The following SUCLG2 variants were observed in gnomAD, a reference collection of about 807,000 sequenced individuals.
The protein encoded by SUCLG2 is succinate-CoA ligase GDP-forming subunit beta, also known as succinate--CoA ligase [GDP-forming] subunit beta, mitochondrial.
SUCLG2 carries 42 observed loss-of-function variants against 47.9 expected under a neutral mutation model. The ratio of observed to expected loss-of-function variants is 0.88; its 90% CI spans 0.69 to 1.14. SUCLG2 has a LOEUF of 1.14. Ranked by LOEUF, SUCLG2 falls within the 50% of genes most tolerant of loss-of-function variation. SUCLG2 has a pLI of 0.00. For missense variants in SUCLG2, 571 were observed against 525.9 expected (o/e 1.09, Z -0.84); for synonymous variants, 195 against 197.3 (o/e 0.99, Z 0.10).
intron 10 of SUCLG2, among the ~76,000 whole-genome samples, chr3:67,386,884 C>G (rs1702271316): frequency 6.6e-6 from 1 of 152,120 alleles, no homozygotes; most frequent in Admixed American, 6.5e-5. Flanking sequence ...AGAAAAAGTC[C>G]AAGGATATTT....
chr3:67,642,368 G>T (rs1489195292), intron 1 of SUCLG2, among the ~76,000 whole-genome samples: 1 of 152,134 alleles, frequency 6.6e-6, no homozygotes, highest in East Asian at 1.9e-4. Flanking sequence ...ACTTTAGGAG[G>T]CTGAGGTGGG....
intron 9 of SUCLG2, among the ~76,000 whole-genome samples, chr3:67,431,534 T>C (rs1164947067): frequency 6.6e-6 from 1 of 152,120 alleles, no homozygotes; most frequent in Admixed American, 6.5e-5. Context: ...GTGGCACATA[T>C]ACACCATGGA....
intron 2 of SUCLG2, among the ~76,000 whole-genome samples, chr3:67,568,384 C>A (rs1707522158): frequency 2.6e-5 from 4 of 152,136 alleles, no homozygotes; most frequent in Admixed American, 2.6e-4. Flanking sequence ...TAATATGATT[C>A]TTTGATCCTA....
chr3:67,381,582 C>T (rs1260909535), intron 10 of SUCLG2, among the ~76,000 whole-genome samples: 5 of 152,154 alleles, frequency 3.3e-5, no homozygotes, highest in African/African-American at 1.2e-4. Flanking sequence ...TGCTACATTG[C>T]TTTTTAATGA....
intron 10 of SUCLG2, among the ~76,000 whole-genome samples, chr3:67,396,984 A>C (rs1702546563): frequency 6.6e-6 from 1 of 151,938 alleles, no homozygotes; most frequent in Non-Finnish European, 1.5e-5. Flanking sequence ...CCTTCATGCT[A>C]AAAACTCTCA....
chr3:67,406,195 T>G (rs114972078), intron 9 of SUCLG2, among the ~76,000 whole-genome samples: 1 of 152,196 alleles, frequency 6.6e-6, no homozygotes, highest in Non-Finnish European at 1.5e-5. Flanking sequence ...TCAGCTCTTT[T>G]TATTCAACAT....
At chr3:67,591,064 T>C (rs978841937) in intron 2 of SUCLG2, among the ~76,000 whole-genome samples, 5 of 152,212 alleles carry the variant, frequency 3.3e-5, no homozygotes, top group African/African-American at 7.2e-5. Flanking sequence ...GTACATAATA[T>C]ACACTAATGC....
intron 10 of SUCLG2, among the ~76,000 whole-genome samples, chr3:67,367,809 TTTTAG>T (rs1256466976): frequency 1.3e-5 from 2 of 152,180 alleles, no homozygotes; most frequent in Non-Finnish European, 2.9e-5. Flanking sequence ...CACACTTATA[TTTTAG>T]TTTATATTGT....
chr3:67,600,432 A>T (rs1007323095), intron 2 of SUCLG2, among the ~76,000 whole-genome samples: 1 of 152,166 alleles, frequency 6.6e-6, no homozygotes. Flanking sequence ...TCATTCCTTG[A>T]AGTATGTATT....
intron 10 of SUCLG2, among the ~76,000 whole-genome samples, chr3:67,386,234 G>A (rs991704239): frequency 8.7e-5 from 13 of 149,730 alleles, no homozygotes; most frequent in African/African-American, 2.9e-4. Context: ...GACTACAGGC[G>A]CCCGCCACCA....
At position 67,487,169 on chromosome 3, in the gene SUCLG2, C is replaced by A. The variant is rs944563014; in HGVS notation, c.1062+8629G>T. ...TAATATTCATCTTGCTTTAAACAGA[C>A]CAGGAGAACTGTTTCCTTTGTGGGA... On this transcript the variant is annotated intron_variant, in intron 9 of 10. Transcript: ENST00000307227. 2.0e-5 allele frequency among the ~76,000 whole-genome samples: 3 copies of A among 151,934 alleles called. No individual in the cohort carries two copies. The East Asian group carries it at 5.8e-4, about 29-fold the overall frequency.
rs184346834 is a variant in SUCLG2 at position 67,618,973 on chromosome 3, G to A, written c.85-9377C>T. On this transcript the variant is annotated intron_variant, in intron 1 of 10. Coordinates refer to ENST00000307227, the MANE Select transcript of SUCLG2 (RefSeq NM_003848.4). ...AGACCATTTTTGTTCCATTGACAAC[G>A]CATCTCTGATAGTGCCACATGTCTT... 1.2e-3 allele frequency among the ~76,000 whole-genome samples: 185 copies of A among 152,258 alleles called. 1 individual carries two copies. Among genetic ancestry groups the A allele is most frequent in the African/African-American group, 3.7e-3 (155 of 41,556 alleles).
chr3:67,547,073 A>T (rs149207743), intron 2 of SUCLG2, among the ~76,000 whole-genome samples: 1 of 152,280 alleles, frequency 6.6e-6, no homozygotes, highest in East Asian at 1.9e-4. Context: ...CCCAAAATTC[A>T]TAAGTTGATA....
chr3:67,544,561 T>G (rs940485869), intron 2 of SUCLG2, among the ~76,000 whole-genome samples: 3 of 152,182 alleles, frequency 2.0e-5, no homozygotes, highest in African/African-American at 7.2e-5. Flanking sequence ...TTAAACCTCT[T>G]TCCTTTATAA....
intron 9 of SUCLG2, among the ~76,000 whole-genome samples, chr3:67,487,056 C>T (rs1345130968): frequency 6.6e-6 from 1 of 152,098 alleles, no homozygotes; most frequent in East Asian, 1.9e-4. Context: ...GATTAGATTA[C>T]AGTGAAATTC....
At chr3:67,380,060 A>C (rs1165469921) in intron 10 of SUCLG2, among the ~76,000 whole-genome samples, 1 of 152,134 alleles carries the variant, frequency 6.6e-6, no homozygotes, top group Non-Finnish European at 1.5e-5. Context: ...TGACGAGAAG[A>C]GGAGTGGGCG....
chr3:67,450,039 TA>T (rs890430462), intron 9 of SUCLG2, among the ~76,000 whole-genome samples: 98 of 135,844 alleles, frequency 7.2e-4, no homozygotes, highest in Non-Finnish European at 1.3e-3. Context: ...GTATTTTTTT[TA>T]AAATTAACTA....
Position 67,592,718 on chromosome 3 carries a change from C to CAAAAAAAAAA in SUCLG2, c.226+16727_226+16736dup, listed in dbSNP as rs754866312. Among the ~76,000 whole-genome samples, 16 of 80,252 alleles carry CAAAAAAAAAA rather than the reference C, an allele frequency of 2.0e-4. 1 individual carries two copies. Among genetic ancestry groups the CAAAAAAAAAA allele is most frequent in the African/African-American group, 8.3e-4 (14 of 16,772 alleles). 52.6% of individuals were successfully genotyped at this position (80,252 alleles called of 152,430 possible). ...AAGCATATGTAACTCTCACATCCTC[C>CAAAAAAAAAA]AAAAAAAAAAAAAAAAAACAACAAA... On this transcript the variant is annotated intron_variant, in intron 2 of 10. Coordinates refer to ENST00000307227, the MANE Select transcript of SUCLG2 (RefSeq NM_003848.4).
intron 1 of SUCLG2, among the ~76,000 whole-genome samples, chr3:67,636,542 C>T (rs1000544815): frequency 2.6e-5 from 4 of 152,064 alleles, no homozygotes; most frequent in East Asian, 1.9e-4. Context: ...TTAGTAGAGA[C>T]GGGGTTTCAC....
Sources: allele counts gnomAD v4.1 joint callset (sites outside exome capture counted in the v4.1 genomes callset), GRCh38; gene constraint gnomAD v4.1.1; transcripts MANE v1.5; gene names NCBI Gene and HGNC (gene_info 2026-07-23, HGNC 2026-07-21).